Variants in ARHGAP42 observed in about 807,000 individuals in gnomAD.
The protein encoded by ARHGAP42 is rho GTPase-activating protein 42.
A neutral mutation model predicts 125.0 loss-of-function variants in ARHGAP42; 63 were observed. The ratio of observed to expected loss-of-function variants is 0.50; its 90% confidence interval spans 0.41 to 0.62. ARHGAP42 has a LOEUF of 0.62. Among genes scored for constraint, ARHGAP42 ranks in the 20% least tolerant of loss-of-function variants. The pLI is 0.00. For synonymous variants in ARHGAP42, 339 were observed against 351.0 expected (o/e 0.97, Z 0.38); for missense variants, 766 against 1,024.2 (o/e 0.75, Z 3.44).
chr11:100,703,051 A>G (rs1861423334), intron 1 of ARHGAP42, among the ~76,000 whole-genome samples: 1 of 152,216 alleles, frequency 6.6e-6, no homozygotes, highest in African/African-American at 2.4e-5. Context: ...TACTAAGAGC[A>G]TGAGATGGAA....
At chr11:100,762,093 C>G (rs1203780994) in intron 1 of ARHGAP42, among the ~76,000 whole-genome samples, 2 of 152,188 alleles carry the variant, frequency 1.3e-5, no homozygotes, top group African/African-American at 4.8e-5. Context: ...ATCTGAGCAC[C>G]TTCATCACAT....
chr11:100,850,417 G>A (rs910973798), intron 3 of ARHGAP42, among the ~76,000 whole-genome samples: 2 of 152,124 alleles, frequency 1.3e-5, no homozygotes, highest in African/African-American at 4.8e-5. Context: ...GTGTTGTACT[G>A]CAATGTCACA....
chr11:100,804,016 G>A (rs2135047811), intron 3 of ARHGAP42, among the ~76,000 whole-genome samples: 1 of 152,256 alleles, frequency 6.6e-6, no homozygotes, highest in East Asian at 1.9e-4. Context: ...TTTAGAGACA[G>A]AATCTCACTC....
Position 100,957,362 on chromosome 11 carries a change from G to A in ARHGAP42, c.1163-2521G>A, listed in dbSNP as rs116447569. On this transcript the variant is annotated intron_variant, in intron 12 of 23. Coordinates refer to ENST00000298815, the MANE Select transcript of ARHGAP42 (RefSeq NM_152432.4). ...TTGTTCCATTGTTAGGCACTCTTCC[G>A]TTTGTCTTCATCTTACTACAACTGT... Among the ~76,000 whole-genome samples, 672 of 151,230 alleles carry A rather than the reference G, an allele frequency of 4.4e-3. 4 individuals are homozygous for A. Among genetic ancestry groups the A allele is most frequent in the African/African-American group, 0.015 (624 of 41,314 alleles).
At chr11:100,840,309 T>C (rs1591227463) in intron 3 of ARHGAP42, among the ~76,000 whole-genome samples, 1 of 152,132 alleles carries the variant, frequency 6.6e-6, no homozygotes. Flanking sequence ...TGATTTTCTA[T>C]TGCAGGGATT....
intron 4 of ARHGAP42, among the ~76,000 whole-genome samples, chr11:100,893,018 C>G (rs367619439): frequency 1.3e-5 from 2 of 152,128 alleles, no homozygotes; most frequent in Non-Finnish European, 2.9e-5. Flanking sequence ...AAGTTATTTC[C>G]TTCACCTTGG....
intron 4 of ARHGAP42, among the ~76,000 whole-genome samples, chr11:100,880,147 G>T (rs1049305604): frequency 6.6e-6 from 1 of 152,106 alleles, no homozygotes; most frequent in East Asian, 1.9e-4. Flanking sequence ...GGTGGTGTTT[G>T]GTTACATGAG....
chr11:100,982,174 G>A (rs941838739), intron 22 of ARHGAP42, among the ~76,000 whole-genome samples: 3 of 152,202 alleles, frequency 2.0e-5, no homozygotes, highest in Non-Finnish European at 4.4e-5. Context: ...TGGACAGGAT[G>A]AGAAGGCATG....
At chr11:100,792,756 T>C (rs1193459037) in intron 2 of ARHGAP42, among the ~76,000 whole-genome samples, 6 of 40,424 alleles carry the variant, frequency 1.5e-4, no homozygotes, top group Non-Finnish European at 3.1e-4. Flanking sequence ...AATTTTCTTT[T>C]TTTTTTTTTT....
intron 14 of ARHGAP42, among the ~76,000 whole-genome samples, 190 bp from the exon 15 acceptor site, chr11:100,961,494 A>C (rs1445971679): frequency 6.6e-6 from 1 of 152,174 alleles, no homozygotes; most frequent in African/African-American, 2.4e-5. Flanking sequence ...ATTTCATAAG[A>C]TATATCTTTG....
At chr11:100,805,390 TAGGGAAGA>T (rs747314694) in intron 3 of ARHGAP42, among the ~76,000 whole-genome samples, 12 of 152,152 alleles carry the variant, frequency 7.9e-5, no homozygotes, top group Non-Finnish European at 1.6e-4. Flanking sequence ...TTACAAAAAT[TAGGGAAGA>T]AGGGAAGAAG....
chr11:100,918,625 G>A (rs3886266), intron 5 of ARHGAP42, among the ~76,000 whole-genome samples: 7,013 of 152,244 alleles, frequency 0.046, 317 homozygotes, highest in East Asian at 0.25. Flanking sequence ...GAGTCATATG[G>A]TGAGCTTAAA....
intron 4 of ARHGAP42, among the ~76,000 whole-genome samples, chr11:100,879,301 C>T (rs907544034): frequency 6.6e-6 from 1 of 152,038 alleles, no homozygotes; most frequent in Admixed American, 6.6e-5. Flanking sequence ...GGGGGTTATC[C>T]TTGGTTTTTG....
intron 21 of ARHGAP42, 101 bp from the exon 22 acceptor site, chr11:100,978,886 A>C: frequency 8.1e-7 from 1 of 1,229,334 alleles, no homozygotes; most frequent in Non-Finnish European, 1.2e-6. Context: ...AATGGTTCTC[A>C]ACCATTTTTT....
In ARHGAP42 at chr11:100,957,956, TG is replaced by T. The variant is rs1422452196; in HGVS notation, c.1163-1926del. 2.0e-5 allele frequency among the ~76,000 whole-genome samples: 3 copies of T among 152,118 alleles called. No homozygotes were observed. In the East Asian group the frequency reaches 5.8e-4, roughly 29 times the overall value. ...CCTTTTTGTTGAAAGGAAGTTCTATTGAAATTTTTTTAAATGGTTGTCTTTT... is the reference window on the plus strand; with the variant it reads ...CCTTTTTGTTGAAAGGAAGTTCTATTAAATTTTTTTAAATGGTTGTCTTTT... On this transcript the variant is annotated intron_variant, in intron 12 of 23. Coordinates refer to ENST00000298815, the MANE Select transcript of ARHGAP42 (RefSeq NM_152432.4).
At chr11:100,886,090 T>C (rs1032443902) in intron 4 of ARHGAP42, among the ~76,000 whole-genome samples, 7 of 152,216 alleles carry the variant, frequency 4.6e-5, no homozygotes, top group Non-Finnish European at 7.3e-5. Flanking sequence ...TTTAAGTCTT[T>C]AGGACTTTAT....
intron 1 of ARHGAP42, among the ~76,000 whole-genome samples, chr11:100,752,694 T>C (rs1343060646): frequency 6.6e-6 from 1 of 152,222 alleles, no homozygotes; most frequent in Non-Finnish European, 1.5e-5. Context: ...GGGCGTGACA[T>C]ACACTCTGAG....
chr11:100,933,055 T>C (rs905301630), intron 6 of ARHGAP42, 101 bp from the exon 7 acceptor site: 15 of 787,340 alleles, frequency 1.9e-5, no homozygotes, highest in Non-Finnish European at 2.9e-5. Context: ...AATGTATTAG[T>C]TTGAGGAATT....
At chr11:100,961,863 C>T (rs1857964720) in intron 15 of ARHGAP42, 95 bp downstream of exon 15, 1 of 989,264 alleles carries the variant, frequency 1.0e-6, no homozygotes, top group Admixed American at 2.3e-5. Flanking sequence ...TGTCCAGAAG[C>T]TTCACTCAGT....
Sources: gnomAD v4.1 joint callset for allele counts (sites outside exome capture counted in the v4.1 genomes callset) on GRCh38, gnomAD v4.1.1 for gene constraint, MANE v1.5 for transcripts, NCBI Gene and HGNC (gene_info 2026-07-23, HGNC 2026-07-21) for gene names.